The following COL4A2 variants were observed in gnomAD, a reference collection of about 807,000 sequenced individuals.
COL4A2 encodes collagen alpha-2(IV) chain.
COL4A2 carries 99 observed loss-of-function variants against 200.2 expected under a neutral mutation model. That is an observed-to-expected ratio of 0.49 (90% CI 0.42 to 0.58). The LOEUF (loss-of-function observed/expected upper bound fraction) is 0.58. Among genes scored for constraint, COL4A2 ranks in the 20% least tolerant of loss-of-function variants. The pLI is 0.00. For missense variants in COL4A2, 1,950 were observed against 2,314.1 expected (o/e 0.84, Z 3.23); for synonymous variants, 897 against 900.6 (o/e 1.00, Z 0.07).
chr13:110,310,258 C>T (rs949131835), intron 3 of COL4A2, among the ~76,000 whole-genome samples: 1 of 152,188 alleles, frequency 6.6e-6, no homozygotes, highest in African/African-American at 2.4e-5. Flanking sequence ...GCCCCCTAGA[C>T]CCCCAGACCT....
chr13:110,347,866 T>G (rs531788169), intron 3 of COL4A2, among the ~76,000 whole-genome samples: 57 of 152,366 alleles, frequency 3.7e-4, no homozygotes, highest in Admixed American at 3.2e-3. Context: ...TGTGCAGATA[T>G]GAAAACACGG....
At position 110,512,133 on chromosome 13, in the gene COL4A2, A is replaced by C. The variant is rs1188934162; in HGVS notation, c.5081A>C (p.Lys1694Thr). The C allele has an allele frequency of 6.2e-7, 1 of 1,613,472 alleles. No individual in the cohort carries two copies. The highest frequency in any genetic ancestry group is 2.2e-5 in the East Asian group (1 of 44,882). Residue 1694 changes from lysine to threonine, a missense_variant, in exon 48 of 48, where the codon AAG becomes ACG. By Grantham distance (78) the Lys-to-Thr change is moderately conservative. Transcript: ENST00000360467. The part of the protein sequence containing the change: ...FQGSPSADTL[K>T]AGLIRTHISR... ...GGCTCGCCCTCCGCCGACACGCTCA[A>C]GGCCGGCCTCATCCGCACACACATC...
chr13:110,316,262 G>A (rs1396640923), intron 3 of COL4A2, among the ~76,000 whole-genome samples: 1 of 152,158 alleles, frequency 6.6e-6, no homozygotes, highest in African/African-American at 2.4e-5. Context: ...CCCTGACTGT[G>A]GAGTAATGGG....
chr13:110,462,286 G>T lies in COL4A2; in HGVS notation c.1678G>T (p.Gly560Ter). Residue 560 changes from glycine (G) to a stop codon, truncating the protein, a stop_gained, in exon 24 of 48, where the codon GGA becomes TGA. Coordinates refer to ENST00000360467, the MANE Select transcript of COL4A2 (RefSeq NM_001846.4). LOFTEE classifies it high-confidence loss of function. ...TGCAAATCCCTTTCTAGGTGAGCGGGGACAGCCCGGCGTCCCAGGTGTGCC... is the reference window on the plus strand; with the variant it reads ...TGCAAATCCCTTTCTAGGTGAGCGGTGACAGCCCGGCGTCCCAGGTGTGCC... ...SRTITTKGER[G>*]QPGVPGVPGM... The T allele has an allele frequency of 6.2e-7, 1 of 1,614,236 alleles. No homozygotes were observed. The highest frequency in any genetic ancestry group is 8.5e-7 in the Non-Finnish European group (1 of 1,180,046).
At chr13:110,390,684 G>A (rs1878953309) in intron 4 of COL4A2, among the ~76,000 whole-genome samples, 1 of 152,190 alleles carries the variant, frequency 6.6e-6, no homozygotes, top group Non-Finnish European at 1.5e-5. Flanking sequence ...CTTCCTTGAT[G>A]TTAATTCTAA....
chr13:110,372,849 G>C (rs1405476360), intron 4 of COL4A2, among the ~76,000 whole-genome samples: 1 of 152,206 alleles, frequency 6.6e-6, no homozygotes, highest in African/African-American at 2.4e-5. Flanking sequence ...TCTTTTGTTT[G>C]TGTGTCTAAA....
chr13:110,308,226 T>TGTGC, intron 3 of COL4A2, 103 bp downstream of exon 3: 1 of 1,327,818 alleles, frequency 7.5e-7, no homozygotes, highest in Non-Finnish European at 1.1e-6. Context: ...CGAGTGTGTG[T>TGTGC]GTGCGTGTGG....
chr13:110,490,392 T>C (rs897091561), intron 36 of COL4A2, among the ~76,000 whole-genome samples: 1 of 152,236 alleles, frequency 6.6e-6, no homozygotes, highest in Admixed American at 6.5e-5. Context: ...ACTGCTCAAG[T>C]TGCTGGAGCC....
At chr13:110,332,298 A>G (rs1465028119) in intron 3 of COL4A2, among the ~76,000 whole-genome samples, 3 of 152,248 alleles carry the variant, frequency 2.0e-5, no homozygotes, top group South Asian at 2.1e-4. Flanking sequence ...ACCCAAGCTC[A>G]CATTTAAAAC....
At chr13:110,416,325 A>C (rs530285614) in intron 4 of COL4A2, among the ~76,000 whole-genome samples, 1 of 152,378 alleles carries the variant, frequency 6.6e-6, no homozygotes, top group East Asian at 1.9e-4. Flanking sequence ...CCTCAGGTGC[A>C]GTCTGGGCTC....
chr13:110,503,144 C>A lies in COL4A2; in HGVS notation c.3901C>A (p.Pro1301Thr). ...LKGYRGPPGPPGSAALPGSKG... is the reference protein window; with the variant it reads ...LKGYRGPPGPTGSAALPGSKG... ...AGGTTATCGGGGCCCACCAGGGCCACCAGGTTCTGCTGCTCTTCCTGGAAG... is the reference window on the plus strand; with the variant it reads ...AGGTTATCGGGGCCCACCAGGGCCAACAGGTTCTGCTGCTCTTCCTGGAAG... The change falls in exon 42 of 48, where the codon CCA (proline) becomes ACA (threonine). Residue 1301 changes from proline to threonine, a missense_variant. Physicochemically the swap from Pro to Thr is conservative, Grantham distance 38. Coordinates refer to ENST00000360467, the MANE Select transcript of COL4A2 (RefSeq NM_001846.4). The A allele has an allele frequency of 6.2e-7, 1 of 1,613,852 alleles. No individual in the cohort carries two copies. Among genetic ancestry groups the A allele is most frequent in the Non-Finnish European group, 8.5e-7 (1 of 1,179,962 alleles).
rs574793161 is a variant in COL4A2, at chr13:110,491,405, C to T, written c.3454+65C>T. 732 of 1,119,780 alleles carry T rather than the reference C, an allele frequency of 6.5e-4. 3 individuals carry two copies. In the African/African-American group the frequency reaches 9.8e-3, roughly 15 times the overall value. The allele number at this position is 1,119,780 out of a possible 1,614,324, so 69.4% of individuals were successfully genotyped here. ...CCCTCCGGAGACCCCAGAACAAAGGCGGTCAACATTGTCAATTTCCTCCAA... is the reference window on the plus strand; with the variant it reads ...CCCTCCGGAGACCCCAGAACAAAGGTGGTCAACATTGTCAATTTCCTCCAA... On this transcript the variant is annotated intron_variant, in intron 37 of 47. Coordinates refer to ENST00000360467, the MANE Select transcript of COL4A2 (RefSeq NM_001846.4).
At chr13:110,459,873 T>C (rs1881953707) in intron 22 of COL4A2, 1 of 98,816 alleles carries the variant, frequency 1.0e-5, no homozygotes, top group Admixed American at 9.0e-5. Flanking sequence ...CAAGACCTTT[T>C]GATTTTTAAA....
intron 34 of COL4A2, among the ~76,000 whole-genome samples, chr13:110,488,721 G>C (rs187687093): frequency 6.6e-6 from 1 of 152,170 alleles, no homozygotes; most frequent in Non-Finnish European, 1.5e-5. Context: ...GGGAAGTAAC[G>C]GTGCCTGCCT....
In COL4A2 at chr13:110,474,572, A is replaced by ACACACG. The variant is rs60673441; in HGVS notation, c.2425+1422_2425+1423insCACACG. ...CATGCATGCACACACACACACACAC[A>ACACACG]TTCACGGTCACACTCATGCACATGC... On this transcript the variant is annotated intron_variant, in intron 29 of 47. Transcript: ENST00000360467. Among the ~76,000 whole-genome samples, 473 of 151,950 alleles carry ACACACG rather than the reference A, an allele frequency of 3.1e-3. 1 individual carries two copies. The highest frequency in any genetic ancestry group is 4.6e-3 in the Non-Finnish European group (311 of 67,904).
Position 110,307,931 on chromosome 13 carries a change from G to T in COL4A2, c.28G>T (p.Gly10Cys). The T allele has an allele frequency of 6.2e-7, 1 of 1,612,920 alleles. No individual in the cohort carries two copies. The highest frequency in any genetic ancestry group is 2.2e-5 in the East Asian group (1 of 44,850). Residue 10 changes from glycine (G) to cysteine (C), a missense_variant, in exon 2 of 48, where the codon GGC becomes TGC. Gly to Cys is a radical substitution (Grantham distance 159, BLOSUM62 -3). Coordinates refer to ENST00000360467, the MANE Select transcript of COL4A2 (RefSeq NM_001846.4). The surrounding 1 kb of genome is among the most constrained non-coding windows in gnomAD (Gnocchi z 5.0). MGRDQRAVA[G>C]PALRRWLLLG... Reference sequence around the variant, plus strand: ...GGGGAGAGACCAGCGCGCGGTGGCCGGCCCTGCCCTACGGCGGTAAGCGAC... The same window carrying T: ...GGGGAGAGACCAGCGCGCGGTGGCCTGCCCTGCCCTACGGCGGTAAGCGAC...
intron 4 of COL4A2, among the ~76,000 whole-genome samples, chr13:110,358,795 T>C (rs1428061422): frequency 2.0e-5 from 3 of 152,254 alleles, no homozygotes; most frequent in Admixed American, 1.3e-4. Flanking sequence ...ATTTAATCAA[T>C]TGTATTCTGT....
At chr13:110,356,681 C>G (rs937948850) in intron 3 of COL4A2, among the ~76,000 whole-genome samples, 7 of 152,184 alleles carry the variant, frequency 4.6e-5, no homozygotes, top group African/African-American at 1.7e-4. Context: ...CTTCCTGATT[C>G]CTCACTTCAC....
chr13:110,469,162 T>C (rs1211148734), intron 27 of COL4A2, 55 bp from the exon 28 acceptor site: 1 of 1,543,336 alleles, frequency 6.5e-7, no homozygotes, highest in Non-Finnish European at 8.8e-7. Context: ...AGCATGACCA[T>C]GCCCATTTAT....
Sources: allele counts gnomAD v4.1 joint callset (sites outside exome capture counted in the v4.1 genomes callset), GRCh38; gene constraint gnomAD v4.1.1; non-coding constraint Gnocchi (gnomAD v3.1); transcripts MANE v1.5; gene names NCBI Gene and HGNC (gene_info 2026-07-23, HGNC 2026-07-21).